Variants in LARGE1 observed in about 807,000 individuals in gnomAD.
The protein encoded by LARGE1 is xylosyl- and glucuronyltransferase LARGE1.
A neutral mutation model predicts 87.6 loss-of-function variants in LARGE1; 43 were observed. The observed-to-expected ratio is 0.49, with a 90% confidence interval of 0.38 to 0.63. The LOEUF is 0.63. Among genes scored for constraint, LARGE1 ranks in the 30% least tolerant of loss-of-function variants. The pLI, the probability that LARGE1 is intolerant of heterozygous loss-of-function variation, is 0.00. For synonymous variants in LARGE1, 434 were observed against 394.6 expected (o/e 1.10, Z -1.18); for missense variants, 802 against 1,000.2 (o/e 0.80, Z 2.67).
At chr22:33,250,431 GA>G (rs1926960923) in intron 11 of LARGE1, among the ~76,000 whole-genome samples, 1 of 152,022 alleles carries the variant, frequency 6.6e-6, no homozygotes, top group Non-Finnish European at 1.5e-5. Context: ...AGTTCTTTTG[GA>G]TTTTCTACAC....
chr22:33,599,731 C>A (rs1039706098), intron 5 of LARGE1, among the ~76,000 whole-genome samples: 4 of 152,172 alleles, frequency 2.6e-5, no homozygotes, highest in African/African-American at 9.7e-5. Flanking sequence ...TGAGAAATGC[C>A]ATTTCCAACA....
At chr22:33,382,162 C>A (rs1260605947) in intron 8 of LARGE1, 118 bp from the exon 9 acceptor site, 5 of 1,343,782 alleles carry the variant, frequency 3.7e-6, no homozygotes, top group Non-Finnish European at 5.2e-6. Flanking sequence ...CTGCTCTGAA[C>A]ACAGGCTGGC....
At chr22:33,183,632 A>ACACACACG (rs1555880690) in intron 11 of LARGE1, among the ~76,000 whole-genome samples, 1 of 124,902 alleles carries the variant, frequency 8.0e-6, no homozygotes, top group Admixed American at 7.7e-5. Context: ...ACACACACAC[A>ACACACACG]CACACACACA....
At chr22:33,156,980 C>T in the LARGE1 span, among the ~76,000 whole-genome samples, 1 of 152,194 alleles carries the variant, frequency 6.6e-6, no homozygotes. Context: ...CTCTTGTCTG[C>T]CACCATGTGA....
chr22:33,609,240 G>A (rs539377693), intron 4 of LARGE1, among the ~76,000 whole-genome samples: 21 of 152,302 alleles, frequency 1.4e-4, no homozygotes, highest in African/African-American at 3.8e-4. Context: ...CTCCACAAAC[G>A]TCAGAACATG....
rs540675433 is a variant in LARGE1 at position 33,451,399 on chromosome 22, G to T, written c.788-19134C>A. On this transcript the variant is annotated intron_variant, in intron 6 of 14. Coordinates refer to ENST00000397394, the MANE Select transcript of LARGE1 (RefSeq NM_133642.5). The stretch of plus-strand genomic sequence containing the variant: ...AATAGCTTTTTGGGGAACAGGTGAT[G>T]CTTGGTTACATGAATAAGTTCTTTA... Among the ~76,000 whole-genome samples the T allele has an allele frequency of 2.9e-3, 442 of 151,554 alleles. 2 individuals are homozygous for T. Among genetic ancestry groups the T allele is most frequent in the South Asian group, 0.018 (85 of 4,746 alleles).
At chr22:33,216,353 G>T (rs1272834975) in intron 11 of LARGE1, among the ~76,000 whole-genome samples, 4 of 152,306 alleles carry the variant, frequency 2.6e-5, no homozygotes, top group African/African-American at 9.6e-5. Flanking sequence ...GGGGGGCTGG[G>T]CGTGGTGGCT....
upstream of LARGE1, among the ~76,000 whole-genome samples, chr22:33,922,198 C>G (rs1302929546): frequency 2.8e-5 from 4 of 144,772 alleles, no homozygotes; most frequent in Non-Finnish European, 1.5e-5. Context: ...GAAGGATGGG[C>G]TGGGGAGGGG....
At chr22:33,594,401 C>T (rs1416657259) in intron 5 of LARGE1, among the ~76,000 whole-genome samples, 2 of 152,194 alleles carry the variant, frequency 1.3e-5, no homozygotes, top group African/African-American at 4.8e-5. Flanking sequence ...AATACCAAAT[C>T]TCTAACATCT....
Position 33,556,992 on chromosome 22 carries a change from G to A in LARGE1, c.787+7856C>T, listed in dbSNP as rs566637477. Reference sequence around the variant, plus strand: ...CTGCACTCCAGCCTGGCGACAGAGTGAGACTGTTTCACGAACAAACAAACA... The same window carrying A: ...CTGCACTCCAGCCTGGCGACAGAGTAAGACTGTTTCACGAACAAACAAACA... On this transcript the variant is annotated intron_variant, in intron 6 of 14. Transcript: ENST00000397394. 4.6e-5 allele frequency among the ~76,000 whole-genome samples: 7 copies of A among 152,288 alleles called. No individual in the cohort carries two copies. In the East Asian group the frequency reaches 1.4e-3, roughly 29 times the overall value.
At chr22:33,722,315 G>A (rs1274071620) in intron 2 of LARGE1, among the ~76,000 whole-genome samples, 1 of 141,084 alleles carries the variant, frequency 7.1e-6, no homozygotes, top group Admixed American at 7.1e-5. Flanking sequence ...GGGAGAGGAG[G>A]GAGAGGGAGA....
intron 2 of LARGE1, among the ~76,000 whole-genome samples, chr22:33,754,005 T>C (rs1409741939): frequency 6.6e-6 from 1 of 151,984 alleles, no homozygotes; most frequent in Non-Finnish European, 1.5e-5. Flanking sequence ...GAGGTTGCAA[T>C]GAGCTGAGAT....
At chr22:33,824,985 T>C (rs1189260841) in intron 1 of LARGE1, among the ~76,000 whole-genome samples, 1 of 152,152 alleles carries the variant, frequency 6.6e-6, no homozygotes, top group East Asian at 1.9e-4. Context: ...CAGGAACACT[T>C]TGGGTCTTTG....
At chr22:33,911,879 C>T (rs1447570612) in intron 1 of LARGE1, among the ~76,000 whole-genome samples, 10 of 152,184 alleles carry the variant, frequency 6.6e-5, no homozygotes, top group Non-Finnish European at 1.3e-4. Context: ...TTGAGGAGCT[C>T]AAGTCTATCT....
chr22:33,907,670 C>G (rs1281264099), intron 1 of LARGE1, among the ~76,000 whole-genome samples: 1 of 152,090 alleles, frequency 6.6e-6, no homozygotes, highest in Admixed American at 6.5e-5. Context: ...CGGGTTCACA[C>G]CATTCTCCTG....
In LARGE1 at chr22:33,274,156, C is replaced by A. The variant is rs1039538572; in HGVS notation, c.*271G>T. On this transcript the variant is annotated 3_prime_UTR_variant, in exon 15 of 15. Coordinates refer to ENST00000397394, the MANE Select transcript of LARGE1 (RefSeq NM_133642.5). The stretch of plus-strand genomic sequence containing the variant: ...GCAGTAAGATGATAACCCTTTTACT[C>A]CCTGTCACCCCTTGATTTCCCATTC... 1.7e-6 allele frequency: 1 copy of A among 573,540 alleles called. No individual in the cohort carries two copies. Among genetic ancestry groups the A allele is most frequent in the Non-Finnish European group, 3.1e-6 (1 of 321,154 alleles). 35.5% of individuals were successfully genotyped at this position (573,540 alleles called of 1,614,324 possible).
chr22:33,671,187 A>T (rs779952373), intron 2 of LARGE1, among the ~76,000 whole-genome samples: 2 of 152,160 alleles, frequency 1.3e-5, no homozygotes, highest in East Asian at 1.9e-4. Flanking sequence ...GCTAAAAAAG[A>T]GTTGTCCTCT....
intron 1 of LARGE1, among the ~76,000 whole-genome samples, chr22:33,864,338 C>T (rs1291464993): frequency 6.6e-6 from 1 of 152,172 alleles, no homozygotes; most frequent in Admixed American, 6.5e-5. Flanking sequence ...CAATAAAGTG[C>T]TATGCTGATA....
At chr22:33,902,436 G>C (rs2065309750) in intron 1 of LARGE1, among the ~76,000 whole-genome samples, 1 of 152,180 alleles carries the variant, frequency 6.6e-6, no homozygotes, top group South Asian at 2.1e-4. Context: ...CAATTGCAAG[G>C]ACAATGCTAC....
Sources: allele counts gnomAD v4.1 joint callset (sites outside exome capture counted in the v4.1 genomes callset), GRCh38; gene constraint gnomAD v4.1.1; transcripts MANE v1.5; gene names NCBI Gene and HGNC (gene_info 2026-07-23, HGNC 2026-07-21).